KIF1B: variants seen among roughly 807,000 people sequenced by gnomAD.
The protein encoded by KIF1B is kinesin-like protein KIF1B.
KIF1B carries 76 observed loss-of-function variants against 241.9 expected under a neutral mutation model. That is an observed-to-expected ratio of 0.31 (90% CI 0.26 to 0.38). The LOEUF is 0.38. KIF1B is among the 10% of genes least tolerant of loss of function. KIF1B has a pLI of 1.00. For synonymous variants in KIF1B, 750 were observed against 796.7 expected (o/e 0.94, Z 0.99); for missense variants, 1,622 against 2,271.4 (o/e 0.71, Z 5.81).
intron 38 of KIF1B, among the ~76,000 whole-genome samples, chr1:10,357,999 G>A (rs995424127): frequency 1.3e-5 from 2 of 151,000 alleles, no homozygotes; most frequent in African/African-American, 4.9e-5. Context: ...ACAAGAGTGA[G>A]ACTCTGTCTC....
In KIF1B at chr1:10,246,725, C is replaced by T. The variant is rs544437483; in HGVS notation, c.107-9522C>T. ...TGCCACTGCACTCTAGCCTGCTGGG[C>T]GACAGAGTGAGACTCTGTCTCAAAG... On this transcript the variant is annotated intron_variant, in intron 2 of 48. Coordinates refer to ENST00000676179, the MANE Select transcript of KIF1B (RefSeq NM_001365951.3). Among the ~76,000 whole-genome samples the T allele has an allele frequency of 5.3e-5, 8 of 152,110 alleles. No individual in the cohort carries two copies. The East Asian group carries it at 5.8e-4, about 11-fold the overall frequency.
At chr1:10,368,673 T>C in intron 44 of KIF1B, 135 bp downstream of exon 44, 4 of 745,962 alleles carry the variant, frequency 5.4e-6, no homozygotes, top group Non-Finnish European at 7.2e-6. Context: ...TGAAAATTTA[T>C]GACATACTGC....
chr1:10,360,455 T>C (rs1197854768), intron 38 of KIF1B, among the ~76,000 whole-genome samples: 1 of 151,668 alleles, frequency 6.6e-6, no homozygotes, highest in Non-Finnish European at 1.5e-5. Flanking sequence ...GAGGCCGAGG[T>C]GGGCAGATCA....
rs61485223 is a variant in KIF1B at position 10,311,945 on chromosome 1, A to G, written c.2116-8098A>G. Among the ~76,000 whole-genome samples the G allele has an allele frequency of 2.4e-3, 363 of 151,572 alleles. 15 individuals carry two copies. Among genetic ancestry groups the G allele is most frequent in the African/African-American group, 8.7e-3 (357 of 40,906 alleles). Reference sequence around the variant, plus strand: ...TCACAACACCCCTCTTCTGTGAGGTAGGTATTGCTTATTCCCTTTTCACAT... The same window carrying G: ...TCACAACACCCCTCTTCTGTGAGGTGGGTATTGCTTATTCCCTTTTCACAT... On this transcript the variant is annotated intron_variant, in intron 22 of 48. Coordinates refer to ENST00000676179, the MANE Select transcript of KIF1B (RefSeq NM_001365951.3).
chr1:10,352,984 G>A (rs1311572400), intron 38 of KIF1B, among the ~76,000 whole-genome samples: 3 of 152,234 alleles, frequency 2.0e-5, no homozygotes, highest in Non-Finnish European at 2.9e-5. Flanking sequence ...CCTGTCCCAT[G>A]TGAAGTTTGA....
chr1:10,211,342 A>G (rs1389474205), intron 1 of KIF1B, among the ~76,000 whole-genome samples: 1 of 152,204 alleles, frequency 6.6e-6, no homozygotes, highest in African/African-American at 2.4e-5. Context: ...GGCGATAGGA[A>G]AGGTCATCGC....
chr1:10,372,329 G>A (rs1638753531), intron 45 of KIF1B, among the ~76,000 whole-genome samples: 1 of 152,056 alleles, frequency 6.6e-6, no homozygotes, highest in Admixed American at 6.6e-5. Context: ...CAGCCCACAA[G>A]TTTGAGACCA....
Position 10,324,793 on chromosome 1 carries a change from G to A in KIF1B, c.2573G>A (p.Arg858Lys). The A allele has an allele frequency of 1.2e-6, 2 of 1,614,084 alleles. No individual in the cohort carries two copies. The highest frequency in any genetic ancestry group is 2.2e-5 in the East Asian group (1 of 44,870). Residue 858 changes from arginine to lysine, a missense_variant, in exon 26 of 49, where the codon AGG (arginine) becomes AAG (lysine). Physicochemically the swap from Arg to Lys is conservative, Grantham distance 26 (BLOSUM62 2). Coordinates refer to ENST00000676179, the MANE Select transcript of KIF1B (RefSeq NM_001365951.3). ...RLDLMREMYD[R>K]AGEMASSAQD... ...GATTTGATGCGAGAGATGTATGATA[G>A]GGCAGGGGAGATGGCCTCCAGTGCC...
At chr1:10,362,833 T>G (rs1638461415) in intron 40 of KIF1B, among the ~76,000 whole-genome samples, 1 of 151,984 alleles carries the variant, frequency 6.6e-6, no homozygotes, top group Non-Finnish European at 1.5e-5. Context: ...CACTTTTTGA[T>G]GCCAAGGTGG....
intron 12 of KIF1B, 86 bp from the exon 13 acceptor site, chr1:10,277,900 T>C (rs1424395782): frequency 8.5e-7 from 1 of 1,172,840 alleles, no homozygotes; most frequent in Non-Finnish European, 1.3e-6. Flanking sequence ...ACACTCAGGA[T>C]ATTTGATTTA....
Position 10,261,987 on chromosome 1 carries a change from G to C in KIF1B, c.429+17G>C. The C allele has an allele frequency of 6.4e-7, 1 of 1,568,196 alleles. No individual in the cohort carries two copies. Among genetic ancestry groups the C allele is most frequent in the Non-Finnish European group, 8.8e-7 (1 of 1,138,254 alleles). ...TCTGTAGAGGTGAGTACAGCCGTGAGTTGACACCGTAAGCCCTTGTTTTCC... is the reference window on the plus strand; with the variant it reads ...TCTGTAGAGGTGAGTACAGCCGTGACTTGACACCGTAAGCCCTTGTTTTCC... On this transcript the variant is annotated intron_variant, in intron 5 of 48. Coordinates refer to ENST00000676179, the MANE Select transcript of KIF1B (RefSeq NM_001365951.3).
chr1:10,240,405 A>G (rs910597132), intron 2 of KIF1B, among the ~76,000 whole-genome samples: 1 of 151,584 alleles, frequency 6.6e-6, no homozygotes, highest in African/African-American at 2.4e-5. Flanking sequence ...GTGGGGTTTC[A>G]CCATGTTGGC....
chr1:10,307,759 T>C, intron 22 of KIF1B: 1 of 1,035,248 alleles, frequency 9.7e-7, no homozygotes, highest in Non-Finnish European at 1.2e-6. Flanking sequence ...CTATTGAAGT[T>C]ATGTAATGAT....
At chr1:10,223,787 G>T (rs61775886) in intron 1 of KIF1B, among the ~76,000 whole-genome samples, 3 of 151,984 alleles carry the variant, frequency 2.0e-5, no homozygotes, top group East Asian at 3.9e-4. Flanking sequence ...CTCATGATCC[G>T]CCCGCCTCGG....
intron 48 of KIF1B, among the ~76,000 whole-genome samples, chr1:10,375,680 C>T (rs1638863032): frequency 6.6e-6 from 1 of 150,576 alleles, no homozygotes; most frequent in Non-Finnish European, 1.5e-5. Flanking sequence ...CCACTGCACC[C>T]AGCCTAGAAG....
intron 37 of KIF1B, among the ~76,000 whole-genome samples, chr1:10,349,420 G>A (rs1652707511): frequency 1.3e-5 from 2 of 148,460 alleles, no homozygotes; most frequent in African/African-American, 5.0e-5. Flanking sequence ...GGACAACAGA[G>A]TGGGACTCCG....
chr1:10,347,988 A>G (rs532043382), intron 36 of KIF1B, among the ~76,000 whole-genome samples, 161 bp downstream of exon 36: 3 of 151,332 alleles, frequency 2.0e-5, no homozygotes, highest in African/African-American at 7.3e-5. Context: ...CTGTCTGTAG[A>G]TATTTCTTCC....
chr1:10,312,520 G>C (rs892752585), intron 22 of KIF1B, among the ~76,000 whole-genome samples: 8 of 151,282 alleles, frequency 5.3e-5, no homozygotes, highest in Non-Finnish European at 8.8e-5. Flanking sequence ...GGTCTATAAG[G>C]CCATCTGTAC....
chr1:10,352,328 T>A (rs1652824764), intron 37 of KIF1B, among the ~76,000 whole-genome samples: 1 of 152,082 alleles, frequency 6.6e-6, no homozygotes, highest in African/African-American at 2.4e-5. Context: ...GGGAGACCAG[T>A]TAAATGGCTG....
Sources: gnomAD v4.1 joint callset for allele counts (sites outside exome capture counted in the v4.1 genomes callset) on GRCh38, gnomAD v4.1.1 for gene constraint, MANE v1.5 for transcripts, NCBI Gene and HGNC (gene_info 2026-07-23, HGNC 2026-07-21) for gene names.